Variants in BLVRA observed in about 807,000 individuals in gnomAD.
The protein encoded by BLVRA is biliverdin reductase A.
A neutral mutation model predicts 32.8 loss-of-function variants in BLVRA; 22 were observed. The ratio of observed to expected loss-of-function variants is 0.67; its 90% CI spans 0.48 to 0.96. The LOEUF (loss-of-function observed/expected upper bound fraction) is 0.96. Among genes scored for constraint, BLVRA ranks in the 40% least tolerant of loss-of-function variants. BLVRA has a pLI of 0.00. For missense variants in BLVRA, 323 were observed against 358.1 expected (o/e 0.90, Z 0.79); for synonymous variants, 119 against 141.3 (o/e 0.84, Z 1.12).
At chr7:43,805,414 C>T (rs2095803092) in intron 7 of BLVRA, among the ~76,000 whole-genome samples, 1 of 151,968 alleles carries the variant, frequency 6.6e-6, no homozygotes, top group South Asian at 2.1e-4. Flanking sequence ...TCCCGAGTAG[C>T]TGGGATTATA....
At chr7:43,802,398 T>A (rs1384684927) in intron 6 of BLVRA, among the ~76,000 whole-genome samples, 3 of 152,194 alleles carry the variant, frequency 2.0e-5, no homozygotes, top group Non-Finnish European at 4.4e-5. Context: ...AGATATGAAG[T>A]CTTTTAAACT....
In BLVRA at chr7:43,800,512, G is replaced by A. The variant is rs149777705; in HGVS notation, c.400G>A (p.Ala134Thr). The A allele has an allele frequency of 8.5e-4, 1,371 of 1,614,020 alleles. 8 individuals are homozygous for A. Among genetic ancestry groups the A allele is most frequent in the South Asian group, 7.0e-3 (635 of 91,080 alleles). ...TGTTGAACTCTTGATGGAGGAATTC[G>A]CTTTCCTGAAAAAAGAAGTGGTGGG... ...EHVELLMEEF[A>T]FLKKEVVGKD... The change falls in exon 6 of 8, where the codon GCT (alanine) becomes ACT (threonine). Residue 134 changes from alanine (A) to threonine (T), a missense_variant. Transcript: ENST00000265523.
chr7:43,778,577 T>C (rs1387071131), intron 2 of BLVRA, among the ~76,000 whole-genome samples: 4 of 152,132 alleles, frequency 2.6e-5, no homozygotes, highest in Non-Finnish European at 5.9e-5. Flanking sequence ...TACTTGGGGG[T>C]GCCTCCCAGT....
intron 1 of BLVRA, among the ~76,000 whole-genome samples, chr7:43,768,068 A>G (rs1202322407): frequency 6.6e-6 from 1 of 152,212 alleles, no homozygotes; most frequent in Admixed American, 6.5e-5. Flanking sequence ...TCCTGACCAC[A>G]CTTTAACCAA....
At chr7:43,801,271 C>T (rs2095798365) in intron 6 of BLVRA, among the ~76,000 whole-genome samples, 1 of 152,220 alleles carries the variant, frequency 6.6e-6, no homozygotes, top group Non-Finnish European at 1.5e-5. Context: ...GCTGGGATTA[C>T]AGGCATGAGC....
At chr7:43,782,011 C>T (rs2095770244) in intron 2 of BLVRA, among the ~76,000 whole-genome samples, 1 of 152,198 alleles carries the variant, frequency 6.6e-6, no homozygotes, top group African/African-American at 2.4e-5. Context: ...AGTCATACCT[C>T]CCTCTTATGA....
At chr7:43,785,570 A>AGTTCAGTCAGATGTGT (rs2095776406) in intron 2 of BLVRA, among the ~76,000 whole-genome samples, 1 of 152,180 alleles carries the variant, frequency 6.6e-6, no homozygotes, top group Non-Finnish European at 1.5e-5. Flanking sequence ...CATAGGAGAC[A>AGTTCAGTCAGATGTGT]GTTCAGTCAG....
chr7:43,783,939 C>T (rs2095773517), intron 2 of BLVRA, among the ~76,000 whole-genome samples: 1 of 152,146 alleles, frequency 6.6e-6, no homozygotes, highest in Admixed American at 6.5e-5. Context: ...TTTACATTTT[C>T]TTCTACCCTC....
rs1460058593 is a variant in BLVRA at position 43,774,692 on chromosome 7, T to G, written c.12+3522T>G. Among the ~76,000 whole-genome samples, 6 of 152,242 alleles carry G rather than the reference T, an allele frequency of 3.9e-5. No homozygotes were observed. In the East Asian group the frequency reaches 1.2e-3, roughly 29 times the overall value. ...TCTGTGAAGAAAGTCATTTGTAGCT[T>G]GATGGGGATGGCATTGAATATATAA... On this transcript the variant is annotated intron_variant, in intron 2 of 7. Transcript: ENST00000265523.
At chr7:43,779,163 G>A (rs1183216746) in intron 2 of BLVRA, among the ~76,000 whole-genome samples, 1 of 152,218 alleles carries the variant, frequency 6.6e-6, no homozygotes, top group East Asian at 1.9e-4. Flanking sequence ...TGCACCCACT[G>A]TCTGGCACTC....
chr7:43,799,147 G>A (rs1432220858), intron 5 of BLVRA, among the ~76,000 whole-genome samples: 2 of 152,214 alleles, frequency 1.3e-5, no homozygotes, highest in Admixed American at 6.5e-5. Context: ...TGGGTGGGAA[G>A]GACCCCATCC....
At chr7:43,776,106 AAT>A (rs2095760629) in intron 2 of BLVRA, among the ~76,000 whole-genome samples, 2 of 152,108 alleles carry the variant, frequency 1.3e-5, no homozygotes, top group South Asian at 2.1e-4. Context: ...TGGATTCATT[AAT>A]TTTTTTGAAG....
At chr7:43,780,583 A>ACCCTCCTCTAGGCCATTCCCTCT (rs1268801497) in intron 2 of BLVRA, among the ~76,000 whole-genome samples, 11 of 150,698 alleles carry the variant, frequency 7.3e-5, no homozygotes, top group Non-Finnish European at 1.3e-4. Flanking sequence ...TGCTTTCCTC[A>ACCCTCCTCTAGGCCATTCCCTCT]CCCTCCTCTA....
At chr7:43,782,759 C>T (rs1303430700) in intron 2 of BLVRA, among the ~76,000 whole-genome samples, 6 of 151,994 alleles carry the variant, frequency 3.9e-5, no homozygotes, top group Admixed American at 2.0e-4. Context: ...AAGAAAACCT[C>T]GGTAGCATGA....
chr7:43,758,870 G>A (rs4724242), intron 1 of BLVRA, 136 bp downstream of exon 1: 102,258 of 151,596 alleles, frequency 0.67, 35,914 homozygotes, highest in African/African-American at 0.87. Flanking sequence ...GAGCCGGGAC[G>A]CAGCCTGGGC....
chr7:43,800,128 G>T lies in BLVRA; in HGVS notation c.353-337G>T, dbSNP rs566267596. 2.6e-5 allele frequency among the ~76,000 whole-genome samples: 4 copies of T among 152,158 alleles called. No individual in the cohort carries two copies. In the East Asian group the frequency reaches 7.8e-4, roughly 29 times the overall value. Reference sequence around the variant, plus strand: ...CCACCACCACACCTGGGTAATTTTTGTATTTTTAGTAGAGGTGGGGTTTCA... The same window carrying T: ...CCACCACCACACCTGGGTAATTTTTTTATTTTTAGTAGAGGTGGGGTTTCA... On this transcript the variant is annotated intron_variant, in intron 5 of 7. Coordinates refer to ENST00000265523, the MANE Select transcript of BLVRA (RefSeq NM_000712.4).
In BLVRA at chr7:43,777,528, G is replaced by A. The variant is rs1212058532; in HGVS notation, c.12+6358G>A. ...GAGAGATCCGCTGTTAGTCTGATGGGCTTCCCTTTGTGGATAACCCGACCT... is the reference window on the plus strand; with the variant it reads ...GAGAGATCCGCTGTTAGTCTGATGGACTTCCCTTTGTGGATAACCCGACCT... On this transcript the variant is annotated intron_variant, in intron 2 of 7. Coordinates refer to ENST00000265523, the MANE Select transcript of BLVRA (RefSeq NM_000712.4). Among the ~76,000 whole-genome samples the A allele has an allele frequency of 3.8e-4, 58 of 152,270 alleles. 1 individual carries two copies. The highest frequency in any genetic ancestry group is 5.2e-4 in the Admixed American group (8 of 15,290).
intron 6 of BLVRA, among the ~76,000 whole-genome samples, chr7:43,801,401 T>G (rs943113940): frequency 6.6e-6 from 1 of 152,230 alleles, no homozygotes; most frequent in African/African-American, 2.4e-5. Context: ...CTCCTGCTCT[T>G]GTGGCCACTT....
At chr7:43,764,242 T>G (rs1167534100) in intron 1 of BLVRA, 2 of 152,176 alleles carry the variant, frequency 1.3e-5, no homozygotes, top group African/African-American at 2.4e-5. Context: ...GAAATCATCT[T>G]TCAGCACTAA....
Sources: allele counts gnomAD v4.1 joint callset (sites outside exome capture counted in the v4.1 genomes callset), GRCh38; gene constraint gnomAD v4.1.1; transcripts MANE v1.5; gene names NCBI Gene and HGNC (gene_info 2026-07-23, HGNC 2026-07-21).